Variants in LINGO2 observed in about 807,000 individuals in gnomAD.
LINGO2 encodes leucine-rich repeat and immunoglobulin-like domain-containing nogo receptor-interacting protein 2.
A neutral mutation model predicts 30.6 loss-of-function variants in LINGO2; 14 were observed. That is an observed-to-expected ratio of 0.46 (90% CI 0.30 to 0.72). The LOEUF (loss-of-function observed/expected upper bound fraction) is 0.72. Among genes scored for constraint, LINGO2 ranks in the 30% least tolerant of loss-of-function variants. LINGO2 has a pLI of 0.07. For synonymous variants in LINGO2, 317 were observed against 288.5 expected, an observed-to-expected ratio of 1.10 and a Z score of -1.00; for missense variants, 729 against 751.7, an observed-to-expected ratio of 0.97 and a Z score of 0.35.
the LINGO2 span, among the ~76,000 whole-genome samples, chr9:29,111,073 G>A: frequency 6.6e-6 from 1 of 152,172 alleles, no homozygotes; most frequent in African/African-American, 2.4e-5. Context: ...TACCATAAAA[G>A]GGGTCCTATT....
At chr9:28,038,825 A>G (rs1824067310) in intron 4 of LINGO2, among the ~76,000 whole-genome samples, 1 of 152,226 alleles carries the variant, frequency 6.6e-6, no homozygotes, top group African/African-American at 2.4e-5. Flanking sequence ...TATTTTTCAG[A>G]TACTGAAGAA....
At chr9:29,081,123 A>C in the LINGO2 span, among the ~76,000 whole-genome samples, 3 of 152,134 alleles carry the variant, frequency 2.0e-5, no homozygotes, top group South Asian at 2.1e-4. Context: ...GACACACACA[A>C]AAAAGAGAAT....
chr9:28,272,348 G>T (rs1822971104), intron 4 of LINGO2, among the ~76,000 whole-genome samples: 1 of 151,768 alleles, frequency 6.6e-6, no homozygotes, highest in African/African-American at 2.4e-5. Context: ...CTGAACCTTT[G>T]TCTCACATGT....
intron 1 of LINGO2, among the ~76,000 whole-genome samples, chr9:28,541,541 T>A (rs971042960): frequency 6.6e-6 from 1 of 152,304 alleles, no homozygotes; most frequent in South Asian, 2.1e-4. Flanking sequence ...AAACTTCCGA[T>A]GTGTGGCTTT....
chr9:29,179,366 C>CT, the LINGO2 span, among the ~76,000 whole-genome samples: 1 of 151,618 alleles, frequency 6.6e-6, no homozygotes, highest in Admixed American at 6.6e-5. Flanking sequence ...TTCTAGGACT[C>CT]TAAGGAATAC....
intron 4 of LINGO2, among the ~76,000 whole-genome samples, chr9:28,146,303 AAGG>A (rs1827810931): frequency 6.6e-6 from 1 of 152,206 alleles, no homozygotes; most frequent in Non-Finnish European, 1.5e-5. Flanking sequence ...CAGAACTAGG[AAGG>A]AGAAGAGCCA....
At chr9:28,414,216 A>G (rs16912922) in intron 2 of LINGO2, among the ~76,000 whole-genome samples, 2 of 152,018 alleles carry the variant, frequency 1.3e-5, no homozygotes, top group African/African-American at 4.8e-5. Flanking sequence ...GGGAGTCAGA[A>G]GGTCCCTGAA....
the LINGO2 span, among the ~76,000 whole-genome samples, chr9:28,879,118 C>T: frequency 6.6e-6 from 1 of 152,178 alleles, no homozygotes. Context: ...TCTCCTTAAG[C>T]TGATACGCAA....
chr9:28,703,958 T>A, the LINGO2 span, among the ~76,000 whole-genome samples: 1 of 152,076 alleles, frequency 6.6e-6, no homozygotes, highest in African/African-American at 2.4e-5. Flanking sequence ...GGATACATTG[T>A]TACCTGTTAG....
Position 28,617,525 on chromosome 9 carries a change from G to A in LINGO2, c.-365+52675C>T, listed in dbSNP as rs554112625. ...TTAGTCAGGATGGTCTCGATCTCCT[G>A]ACCTCGTGATCCGCCCTCCTCGGCC... On this transcript the variant is annotated intron_variant, in intron 1 of 5. Transcript: ENST00000379992. Among the ~76,000 whole-genome samples the A allele has an allele frequency of 1.2e-3, 187 of 152,084 alleles. 1 individual carries two copies. Among genetic ancestry groups the A allele is most frequent in the Middle Eastern group, 0.01 (3 of 294 alleles).
At chr9:28,845,111 A>G in the LINGO2 span, among the ~76,000 whole-genome samples, 1 of 151,862 alleles carries the variant, frequency 6.6e-6, no homozygotes, top group East Asian at 1.9e-4. Context: ...AATGCATTAC[A>G]CTTCTTTAAT....
intron 1 of LINGO2, among the ~76,000 whole-genome samples, chr9:28,629,142 A>G (rs1187237228): frequency 6.6e-6 from 1 of 152,046 alleles, no homozygotes; most frequent in African/African-American, 2.4e-5. Flanking sequence ...TCAGGGTTGG[A>G]GTATGGGTGG....
chr9:28,885,216 C>T, the LINGO2 span, among the ~76,000 whole-genome samples: 2 of 147,432 alleles, frequency 1.4e-5, no homozygotes, highest in East Asian at 2.0e-4. Flanking sequence ...ATAATTGCAA[C>T]GGTGCCCCTT....
chr9:28,159,943 C>A (rs1478504421), intron 4 of LINGO2, among the ~76,000 whole-genome samples: 2 of 152,062 alleles, frequency 1.3e-5, no homozygotes, highest in African/African-American at 4.8e-5. Context: ...ACAGAGATAA[C>A]TGATTTGGAA....
the LINGO2 span, among the ~76,000 whole-genome samples, chr9:28,910,393 A>G: frequency 6.6e-6 from 1 of 152,162 alleles, no homozygotes; most frequent in East Asian, 1.9e-4. Context: ...ATCTCTTTAG[A>G]TACAGTGTAG....
At chr9:28,825,072 C>CAA in the LINGO2 span, among the ~76,000 whole-genome samples, 1 of 152,030 alleles carries the variant, frequency 6.6e-6, no homozygotes, top group Non-Finnish European at 1.5e-5. Context: ...CCATTTGGCC[C>CAA]AAAAGTGTAA....
chr9:29,019,387 G>A, the LINGO2 span, among the ~76,000 whole-genome samples: 1 of 152,104 alleles, frequency 6.6e-6, no homozygotes, highest in African/African-American at 2.4e-5. Flanking sequence ...ACTAGTGTAG[G>A]CATTACAGTT....
the LINGO2 span, among the ~76,000 whole-genome samples, chr9:28,963,238 A>C: frequency 1.3e-5 from 2 of 151,956 alleles, no homozygotes; most frequent in East Asian, 1.9e-4. Context: ...TTTATATATC[A>C]CTATAAGTAT....
At chr9:29,002,725 ACT>A in the LINGO2 span, among the ~76,000 whole-genome samples, 1 of 151,664 alleles carries the variant, frequency 6.6e-6, no homozygotes, top group East Asian at 1.9e-4. Flanking sequence ...AGTTGACCTG[ACT>A]CTGCTCAGGT....
Sources: gnomAD v4.1 joint callset for allele counts (sites outside exome capture counted in the v4.1 genomes callset) on GRCh38, gnomAD v4.1.1 for gene constraint, MANE v1.5 for transcripts, NCBI Gene and HGNC (gene_info 2026-07-23, HGNC 2026-07-21) for gene names.